RXFP1: variants seen among roughly 807,000 people sequenced by gnomAD.
The protein encoded by RXFP1 is relaxin family peptide receptor 1, also known as relaxin receptor 1.
In RXFP1, 73 loss-of-function variants were observed where a neutral mutation model predicts 89.8. That is an observed-to-expected ratio of 0.81 (90% confidence interval 0.67 to 0.99). RXFP1 has a LOEUF of 0.99. Ranked by LOEUF, RXFP1 falls within the 50% of genes least tolerant of loss-of-function variation. The probability of loss-of-function intolerance (pLI) is 0.00; values close to 1 mark genes in which losing one functional copy is unlikely to be tolerated. For missense variants in RXFP1, 793 were observed against 895.5 expected (o/e 0.89, Z 1.46); for synonymous variants, 277 against 305.5 (o/e 0.91, Z 0.97).
chr4:158,629,489 C>A (rs1008812432), intron 11 of RXFP1, among the ~76,000 whole-genome samples: 1 of 152,110 alleles, frequency 6.6e-6, no homozygotes, highest in African/African-American at 2.4e-5. Context: ...TATAACAATT[C>A]TATGATGAAC....
intron 1 of RXFP1, 88 bp from the exon 2 acceptor site, chr4:158,572,610 G>T (rs1579726031): frequency 1.4e-5 from 17 of 1,190,004 alleles, no homozygotes; most frequent in Non-Finnish European, 2.1e-5. Context: ...AAAGACAAAT[G>T]ATTATAAAAT....
intron 1 of RXFP1, among the ~76,000 whole-genome samples, chr4:158,526,747 T>C (rs1402183603): frequency 7.0e-6 from 1 of 143,138 alleles, no homozygotes; most frequent in Non-Finnish European, 1.5e-5. Context: ...ATTTCTTCAA[T>C]ATTTTATGAT....
intron 1 of RXFP1, among the ~76,000 whole-genome samples, chr4:158,546,530 G>C (rs963076461): frequency 1.3e-5 from 2 of 152,162 alleles, no homozygotes; most frequent in African/African-American, 4.8e-5. Context: ...TCTTGTGCCA[G>C]TTTTCAAAGG....
chr4:158,618,489 A>G (rs1021574015), intron 9 of RXFP1, among the ~76,000 whole-genome samples: 1 of 151,944 alleles, frequency 6.6e-6, no homozygotes, highest in African/African-American at 2.4e-5. Context: ...TTTCATATGT[A>G]AATTCTAGCT....
intron 3 of RXFP1, among the ~76,000 whole-genome samples, chr4:158,594,589 A>G (rs1484862592): frequency 1.3e-5 from 2 of 152,134 alleles, no homozygotes; most frequent in Admixed American, 6.5e-5. Flanking sequence ...TGAAGTCTAT[A>G]TAGGAGGCTA....
chr4:158,650,754 G>A (rs1393419358), intron 17 of RXFP1, among the ~76,000 whole-genome samples: 1 of 151,878 alleles, frequency 6.6e-6, no homozygotes, highest in Admixed American at 6.6e-5. Flanking sequence ...GGGTGATAGA[G>A]CAAGACTCTA....
At chr4:158,527,564 A>AAATATATAT (rs5741905) in intron 1 of RXFP1, among the ~76,000 whole-genome samples, 7 of 98,332 alleles carry the variant, frequency 7.1e-5, no homozygotes, top group East Asian at 3.2e-4. Context: ...AAAAAAAAAA[A>AAATATATAT]ATATATATAT....
Position 158,612,318 on chromosome 4 carries a change from A to G in RXFP1, c.636A>G (p.Arg212=). 6.2e-7 allele frequency: 1 copy of G among 1,612,618 alleles called. No homozygotes were observed. Among genetic ancestry groups the G allele is most frequent in the South Asian group, 1.1e-5 (1 of 90,770 alleles). The change falls in exon 8 of 18, where the codon CGA becomes CGG. Residue 212 remains arginine, a synonymous_variant. Coordinates refer to ENST00000307765, the MANE Select transcript of RXFP1 (RefSeq NM_021634.4). The stretch of plus-strand genomic sequence containing the variant: ...TAATTGAAGATAATCACCTCAGTCG[A>G]ATTTCCCCACCAACATTTTATGGAC... The part of the protein sequence containing the change: ...WLIIEDNHLS[R]ISPPTFYGLN...
chr4:158,651,656 A>G, intron 17 of RXFP1, 101 bp from the exon 18 acceptor site: 4 of 888,364 alleles, frequency 4.5e-6, no homozygotes, highest in Non-Finnish European at 6.6e-6. Context: ...GAAAAAAATC[A>G]AAACTCAAAA....
intron 1 of RXFP1, among the ~76,000 whole-genome samples, chr4:158,546,001 C>T (rs1748263393): frequency 6.6e-6 from 1 of 152,192 alleles, no homozygotes; most frequent in Admixed American, 6.5e-5. Flanking sequence ...TCATTGGTAG[C>T]TTGATGGGGA....
At chr4:158,549,689 G>T (rs960752896) in intron 1 of RXFP1, among the ~76,000 whole-genome samples, 2 of 152,192 alleles carry the variant, frequency 1.3e-5, no homozygotes, top group Non-Finnish European at 2.9e-5. Flanking sequence ...TCAGCTGCAG[G>T]TCTGTTGGAG....
intron 5 of RXFP1, among the ~76,000 whole-genome samples, chr4:158,607,419 T>G (rs1380133476): frequency 6.6e-6 from 1 of 152,216 alleles, no homozygotes; most frequent in Non-Finnish European, 1.5e-5. Context: ...AGATCAAAAT[T>G]GATTTGGTTG....
chr4:158,610,558 G>C, intron 6 of RXFP1: 1 of 516,550 alleles, frequency 1.9e-6, no homozygotes, highest in Non-Finnish European at 3.4e-6. Context: ...TTTTTTAAAA[G>C]TACTTAAGTT....
intron 1 of RXFP1, among the ~76,000 whole-genome samples, chr4:158,530,403 C>G (rs1321076579): frequency 2.6e-5 from 4 of 152,194 alleles, no homozygotes; most frequent in Non-Finnish European, 4.4e-5. Flanking sequence ...TCTTCTCTCA[C>G]CCTCTGTTGC....
chr4:158,603,923 AAT>A (rs1762140292), intron 4 of RXFP1, among the ~76,000 whole-genome samples: 2 of 148,402 alleles, frequency 1.3e-5, no homozygotes, highest in African/African-American at 4.9e-5. Flanking sequence ...TAATAATAAT[AAT>A]AATACAGATA....
At chr4:158,616,899 C>T (rs974333907) in intron 8 of RXFP1, among the ~76,000 whole-genome samples, 8 of 149,198 alleles carry the variant, frequency 5.4e-5, no homozygotes, top group East Asian at 3.9e-4. Flanking sequence ...CTCGGAGGGC[C>T]GAGGCAGGAA....
At chr4:158,559,527 T>C (rs972699690) in intron 1 of RXFP1, among the ~76,000 whole-genome samples, 33 of 152,300 alleles carry the variant, frequency 2.2e-4, no homozygotes, top group African/African-American at 7.9e-4. Flanking sequence ...TTCCCAATAC[T>C]GAGCTTTTTT....
intron 1 of RXFP1, among the ~76,000 whole-genome samples, chr4:158,568,529 AAGTT>A (rs934449128): frequency 4.4e-4 from 67 of 152,348 alleles, no homozygotes; most frequent in African/African-American, 1.1e-3. Context: ...AAGATATAAA[AAGTT>A]AGTCTCAACA....
intron 1 of RXFP1, among the ~76,000 whole-genome samples, chr4:158,548,917 A>C (rs6810787): frequency 1.5e-4 from 23 of 151,274 alleles, no homozygotes; most frequent in East Asian, 3.9e-4. Context: ...GTGAATCTGA[A>C]AATTATGAGT....
Sources: allele counts gnomAD v4.1 joint callset (sites outside exome capture counted in the v4.1 genomes callset), GRCh38; gene constraint gnomAD v4.1.1; transcripts MANE v1.5; gene names NCBI Gene and HGNC (gene_info 2026-07-23, HGNC 2026-07-21).